The following SRPK1 variants were observed in gnomAD, a reference collection of about 807,000 sequenced individuals.
SRPK1 encodes SFRS protein kinase 1.
Under a neutral mutation model 89.5 loss-of-function variants are expected in SRPK1, and 52 were observed. The observed-to-expected ratio is 0.58, with a 90% CI of 0.46 to 0.73. SRPK1 has a LOEUF of 0.73. Among genes scored for constraint, SRPK1 ranks in the 30% least tolerant of loss-of-function variants. The probability of loss-of-function intolerance (pLI) is 0.00; values close to 1 mark genes in which losing one functional copy is unlikely to be tolerated. For synonymous variants in SRPK1, 255 were observed against 270.2 expected, an observed-to-expected ratio of 0.94 and a Z score of 0.55; for missense variants, 603 against 780.6, an observed-to-expected ratio of 0.77 and a Z score of 2.71.
At chr6:35,899,498 A>G (rs896058648) in intron 2 of SRPK1, among the ~76,000 whole-genome samples, 45 of 152,220 alleles carry the variant, frequency 3.0e-4, no homozygotes, top group African/African-American at 1.1e-3. Flanking sequence ...TTTTTTGTTC[A>G]ATGGCATATC....
chr6:35,918,490 C>T (rs1447084790), intron 2 of SRPK1, among the ~76,000 whole-genome samples: 1 of 151,858 alleles, frequency 6.6e-6, no homozygotes, highest in African/African-American at 2.4e-5. Context: ...AACAGGCTTT[C>T]TTTTTGCCTC....
At chr6:35,879,219 G>A (rs1160722516) in intron 6 of SRPK1, among the ~76,000 whole-genome samples, 1 of 151,968 alleles carries the variant, frequency 6.6e-6, no homozygotes, top group Non-Finnish European at 1.5e-5. Flanking sequence ...GCTGATCCTT[G>A]GAAGAGAAAG....
At chr6:35,881,791 T>C (rs1770297069) in intron 6 of SRPK1, among the ~76,000 whole-genome samples, 1 of 151,966 alleles carries the variant, frequency 6.6e-6, no homozygotes, top group African/African-American at 2.4e-5. Context: ...GAGAAATAGT[T>C]CTACAATAAT....
At chr6:35,847,069 A>C (rs1452968234) in intron 13 of SRPK1, among the ~76,000 whole-genome samples, 1 of 152,248 alleles carries the variant, frequency 6.6e-6, no homozygotes, top group Non-Finnish European at 1.5e-5. Context: ...AAAAATTGAA[A>C]GCTTTTCCTC....
At chr6:35,916,600 T>C (rs1261131379) in intron 2 of SRPK1, among the ~76,000 whole-genome samples, 3 of 152,188 alleles carry the variant, frequency 2.0e-5, no homozygotes, top group Non-Finnish European at 4.4e-5. Flanking sequence ...CACAAATCAG[T>C]GTTAGAGCTG....
intron 7 of SRPK1, 54 bp downstream of exon 7, chr6:35,874,179 T>TA: frequency 1.4e-6 from 2 of 1,416,950 alleles, no homozygotes; most frequent in Non-Finnish European, 2.0e-6. Flanking sequence ...TCAAGAATAT[T>TA]AAAAAATCAC....
At position 35,835,451 on chromosome 6, in the gene SRPK1, G is replaced by C; in HGVS notation, c.1821C>G (p.Gly607=). 6.2e-7 allele frequency: 1 copy of C among 1,613,542 alleles called. No homozygotes were observed. The highest frequency in any genetic ancestry group is 8.5e-7 in the Non-Finnish European group (1 of 1,179,738). The change falls in exon 16 of 16, where the codon GGC becomes GGG. Residue 607 remains glycine (G), a synonymous_variant. Coordinates refer to ENST00000373825, the MANE Select transcript of SRPK1 (RefSeq NM_003137.5). ...LKHITKLKPW[G]LFEVLVEKYE... Reference sequence around the variant, plus strand: ...ACTTCTCCACTAGAACCTCAAAAAGGCCCCAAGGTTTCAGCTTCGTGATAT... The same window carrying C: ...ACTTCTCCACTAGAACCTCAAAAAGCCCCCAAGGTTTCAGCTTCGTGATAT...
chr6:35,899,685 C>T (rs1291413518), intron 2 of SRPK1, among the ~76,000 whole-genome samples: 4 of 152,034 alleles, frequency 2.6e-5, no homozygotes, highest in Admixed American at 6.6e-5. Context: ...TTAGAGTGGC[C>T]CTACAGAAGA....
At position 35,869,829 on chromosome 6, in the gene SRPK1, T is replaced by C; in HGVS notation, c.1064A>G (p.Asn355Ser). Residue 355 changes from asparagine to serine, a missense_variant, in exon 11 of 16, where the codon AAT (asparagine) becomes AGT (serine). Transcript: ENST00000373825. ...RDTEGGAAEINCNGVIEVINY... is the reference protein window; with the variant it reads ...RDTEGGAAEISCNGVIEVINY... Reference sequence around the variant, plus strand: ...AATGACTTCAATCACTCCATTGCAATTAATTTCTGCTGCACCACCCTCTGT... The same window carrying C: ...AATGACTTCAATCACTCCATTGCAACTAATTTCTGCTGCACCACCCTCTGT... 6.2e-7 allele frequency: 1 copy of C among 1,611,750 alleles called. No individual in the cohort carries two copies. The highest frequency in any genetic ancestry group is 8.5e-7 in the Non-Finnish European group (1 of 1,178,890).
At chr6:35,886,464 CA>C (rs1770411828) in intron 6 of SRPK1, among the ~76,000 whole-genome samples, 1 of 152,144 alleles carries the variant, frequency 6.6e-6, no homozygotes, top group African/African-American at 2.4e-5. Flanking sequence ...CTTAGTGATA[CA>C]ACGCATTTTC....
At position 35,870,905 on chromosome 6, in the gene SRPK1, A is replaced by C. The variant is rs774708611; in HGVS notation, c.777+29T>G. 3 of 1,574,434 alleles carry C rather than the reference A, an allele frequency of 1.9e-6. No individual in the cohort carries two copies. In the Admixed American group the frequency reaches 5.3e-5, roughly 28 times the overall value. On this transcript the variant is annotated intron_variant, in intron 9 of 15. Coordinates refer to ENST00000373825, the MANE Select transcript of SRPK1 (RefSeq NM_003137.5). ...CCCATGCCCATAGTCCATAGATCAA[A>C]ATTAAATATAAAAACACCTTATACT... is the stretch of plus-strand genomic sequence containing the variant.
intron 2 of SRPK1, among the ~76,000 whole-genome samples, chr6:35,897,504 T>G (rs574303283): frequency 6.6e-6 from 1 of 152,344 alleles, no homozygotes; most frequent in African/African-American, 2.4e-5. Context: ...TAGCAGTTAT[T>G]TAATTAATTC....
chr6:35,865,507 AG>A (rs1419882446), intron 12 of SRPK1, among the ~76,000 whole-genome samples: 4 of 152,206 alleles, frequency 2.6e-5, no homozygotes, highest in Non-Finnish European at 4.4e-5. Context: ...CTAAGCAAAA[AG>A]AAAAAAGCTA....
intron 2 of SRPK1, among the ~76,000 whole-genome samples, chr6:35,915,041 C>G (rs903293490): frequency 2.6e-5 from 4 of 152,152 alleles, no homozygotes; most frequent in Admixed American, 6.5e-5. Context: ...AGTGATCCCC[C>G]TGCCTCAGCC....
chr6:35,869,399 A>G (rs1428396976), intron 11 of SRPK1, 83 bp downstream of exon 11: 4 of 1,493,266 alleles, frequency 2.7e-6, no homozygotes, highest in Non-Finnish European at 3.6e-6. Flanking sequence ...TATAGTTACA[A>G]AAACAATCAT....
chr6:35,838,769 CTATCAGCT>C (rs1441340472), intron 14 of SRPK1: 62 of 1,386,044 alleles, frequency 4.5e-5, no homozygotes, highest in Non-Finnish European at 5.7e-5. Context: ...GGAATTCTGC[CTATCAGCT>C]CTATAATGTG....
intron 2 of SRPK1, 33 bp from the exon 3 acceptor site, chr6:35,891,046 T>C (rs887989749): frequency 1.3e-5 from 20 of 1,534,484 alleles, no homozygotes; most frequent in Non-Finnish European, 1.8e-5. Context: ...CCATTCCATT[T>C]GGACAGAAGA....
intron 2 of SRPK1, among the ~76,000 whole-genome samples, chr6:35,916,247 AATTAATT>A (rs1562000643): frequency 6.7e-6 from 1 of 149,630 alleles, no homozygotes; most frequent in African/African-American, 2.5e-5. Context: ...TAAATAAATT[AATTAATT>A]AATTAATTAA....
At position 35,909,329 on chromosome 6, in the gene SRPK1, G is replaced by C. The variant is rs1210429533; in HGVS notation, c.74+11139C>G. On this transcript the variant is annotated intron_variant, in intron 2 of 15. Transcript: ENST00000373825. ...CCCGGCTGAATTTCAGACTTTAATG[G>C]GGTCTGTAGCCCCTTTGTTTTGGAC... Among the ~76,000 whole-genome samples, 4 of 152,232 alleles carry C rather than the reference G, an allele frequency of 2.6e-5. No homozygotes were observed. In the East Asian group the frequency reaches 7.7e-4, roughly 29 times the overall value.
Sources: allele counts gnomAD v4.1 joint callset (sites outside exome capture counted in the v4.1 genomes callset), GRCh38; gene constraint gnomAD v4.1.1; transcripts MANE v1.5; gene names NCBI Gene and HGNC (gene_info 2026-07-23, HGNC 2026-07-21).